DNM3: variants seen among roughly 807,000 people sequenced by gnomAD.
DNM3 encodes the protein dynamin-3.
Under a neutral mutation model 101.6 loss-of-function variants are expected in DNM3, and 47 were observed. The ratio of observed to expected loss-of-function variants is 0.46; its 90% confidence interval spans 0.37 to 0.59. The LOEUF is 0.59. DNM3 is among the 20% of genes least tolerant of loss of function. The pLI, the probability that DNM3 is intolerant of heterozygous loss-of-function variation, is 0.00. For synonymous variants in DNM3, 385 were observed against 387.9 expected, an observed-to-expected ratio of 0.99 and a Z score of 0.09; for missense variants, 849 against 1,085.7, an observed-to-expected ratio of 0.78 and a Z score of 3.06.
chr1:171,906,877 T>A (rs2038878712), intron 1 of DNM3, among the ~76,000 whole-genome samples: 1 of 152,210 alleles, frequency 6.6e-6, no homozygotes, highest in South Asian at 2.1e-4. Flanking sequence ...ATGTGGATCA[T>A]GAGATTTAGA....
At position 171,870,373 on chromosome 1, in the gene DNM3, A is replaced by G. The variant is rs10913898; in HGVS notation, c.161+28556A>G. Among the ~76,000 whole-genome samples the G allele has an allele frequency of 8.4e-3, 1,280 of 152,248 alleles. 24 individuals are homozygous for G. The highest frequency in any genetic ancestry group is 0.029 in the African/African-American group (1,223 of 41,536). On this transcript the variant is annotated intron_variant, in intron 1 of 20. Transcript: ENST00000627582. ...TATATAGTCATTGTGATCTAGCTGAAGACCAGGAGTCTTTTAATCAGTTAA... is the reference window on the plus strand; with the variant it reads ...TATATAGTCATTGTGATCTAGCTGAGGACCAGGAGTCTTTTAATCAGTTAA...
At chr1:172,319,337 T>C (rs2148903105) in intron 16 of DNM3, among the ~76,000 whole-genome samples, 1 of 152,158 alleles carries the variant, frequency 6.6e-6, no homozygotes, top group East Asian at 1.9e-4. Context: ...GGCAAGGACT[T>C]CATGTCTAAA....
intron 4 of DNM3, among the ~76,000 whole-genome samples, chr1:172,029,622 G>A (rs986949389): frequency 6.6e-6 from 1 of 152,188 alleles, no homozygotes; most frequent in African/African-American, 2.4e-5. Flanking sequence ...AATTATCCCT[G>A]TTTGCAGATG....
intron 15 of DNM3, among the ~76,000 whole-genome samples, chr1:172,254,390 G>A (rs1367275293): frequency 2.0e-5 from 3 of 152,120 alleles, no homozygotes; most frequent in Non-Finnish European, 4.4e-5. Flanking sequence ...CATATACTAT[G>A]ACTAAATTCA....
chr1:171,952,808 C>T (rs750090177), intron 2 of DNM3, among the ~76,000 whole-genome samples: 2 of 152,076 alleles, frequency 1.3e-5, no homozygotes, highest in Non-Finnish European at 2.9e-5. Flanking sequence ...CTATAGAAAC[C>T]AAATAACTTT....
chr1:172,068,757 T>C, intron 10 of DNM3, 62 bp from the exon 11 acceptor site: 1 of 1,355,018 alleles, frequency 7.4e-7, no homozygotes, highest in South Asian at 1.3e-5. Flanking sequence ...AATTTATCTC[T>C]GCTTCTTTTT....
At chr1:172,330,383 A>G (rs2066131389) in intron 17 of DNM3, among the ~76,000 whole-genome samples, 1 of 152,112 alleles carries the variant, frequency 6.6e-6, no homozygotes, top group Admixed American at 6.6e-5. Context: ...TGCCATAGGT[A>G]GCATAATTCC....
At chr1:172,346,412 G>C (rs897925848) in intron 17 of DNM3, among the ~76,000 whole-genome samples, 1 of 152,198 alleles carries the variant, frequency 6.6e-6, no homozygotes, top group African/African-American at 2.4e-5. Context: ...GCTGGGCCTT[G>C]TATGCCAAGG....
At chr1:171,917,577 T>C (rs1203841879) in intron 1 of DNM3, among the ~76,000 whole-genome samples, 1 of 152,184 alleles carries the variant, frequency 6.6e-6, no homozygotes, top group Non-Finnish European at 1.5e-5. Flanking sequence ...GAAAGGCATT[T>C]GATTTGTAGC....
At chr1:172,132,274 C>G (rs1191898222) in intron 14 of DNM3, among the ~76,000 whole-genome samples, 1 of 152,124 alleles carries the variant, frequency 6.6e-6, no homozygotes, top group Non-Finnish European at 1.5e-5. Flanking sequence ...TTATATAGCA[C>G]TTTTCATTTC....
At position 172,409,098 on chromosome 1, in the gene DNM3, G is replaced by T; in HGVS notation, c.*1257G>T. The stretch of plus-strand genomic sequence containing the variant: ...GCCTGGGGGTTAATAGTTAAGTCTT[G>T]AGGCTAAGTTTTGGACTACCAAGGA... On this transcript the variant is annotated 3_prime_UTR_variant, in exon 21 of 21. Coordinates refer to ENST00000627582, the MANE Select transcript of DNM3 (RefSeq NM_015569.5). 1 of 985,346 alleles carries T rather than the reference G, an allele frequency of 1.0e-6. No homozygotes were observed. The highest frequency in any genetic ancestry group is 1.2e-6 in the Non-Finnish European group (1 of 829,884). 61.0% of individuals were successfully genotyped at this position (985,346 alleles called of 1,614,324 possible). A position where few individuals can be genotyped will look rare whatever the true frequency, so the allele number is the denominator to read the frequency against.
At chr1:172,023,411 C>T (rs1239456556) in intron 4 of DNM3, among the ~76,000 whole-genome samples, 1 of 152,232 alleles carries the variant, frequency 6.6e-6, no homozygotes, top group South Asian at 2.1e-4. Flanking sequence ...TTCCTACTGT[C>T]ACGTTTATTG....
At chr1:172,233,232 A>G (rs546559437) in intron 14 of DNM3, among the ~76,000 whole-genome samples, 59 of 152,328 alleles carry the variant, frequency 3.9e-4, no homozygotes, top group African/African-American at 1.3e-3. Flanking sequence ...CAGAAATACA[A>G]ACTACCATCA....
At chr1:172,029,658 C>T (rs1478947796) in intron 4 of DNM3, among the ~76,000 whole-genome samples, 1 of 152,140 alleles carries the variant, frequency 6.6e-6, no homozygotes, top group African/African-American at 2.4e-5. Context: ...TAGAAAACCC[C>T]ATCGTCTCAG....
At chr1:172,055,388 T>C (rs4076678) in intron 10 of DNM3, among the ~76,000 whole-genome samples, 51,517 of 151,938 alleles carry the variant, frequency 0.34, 9,489 homozygotes, top group East Asian at 0.69. Flanking sequence ...CCGACTTTTC[T>C]ATTTTCAGTT....
intron 15 of DNM3, among the ~76,000 whole-genome samples, chr1:172,272,175 AG>A (rs1413533729): frequency 9.9e-5 from 15 of 152,114 alleles, no homozygotes; most frequent in African/African-American, 3.6e-4. Context: ...CAAGCACTTC[AG>A]GATACAGCAG....
intron 15 of DNM3, among the ~76,000 whole-genome samples, chr1:172,295,514 A>T (rs2064123089): frequency 6.6e-6 from 1 of 152,160 alleles, no homozygotes; most frequent in Non-Finnish European, 1.5e-5. Context: ...GTCAGAGATT[A>T]TTTTTGTATT....
chr1:172,326,566 C>G (rs766401442), intron 17 of DNM3, among the ~76,000 whole-genome samples: 1 of 151,710 alleles, frequency 6.6e-6, no homozygotes, highest in Non-Finnish European at 1.5e-5. Context: ...CATGTTGTGT[C>G]TTAGACACAA....
intron 17 of DNM3, among the ~76,000 whole-genome samples, chr1:172,368,134 C>T (rs1191194467): frequency 2.6e-5 from 4 of 152,000 alleles, no homozygotes; most frequent in Non-Finnish European, 4.4e-5. Flanking sequence ...CCCTAACAGA[C>T]ATTTACAGAA....
Sources: allele counts gnomAD v4.1 joint callset (sites outside exome capture counted in the v4.1 genomes callset), GRCh38; gene constraint gnomAD v4.1.1; transcripts MANE v1.5; gene names NCBI Gene and HGNC (gene_info 2026-07-23, HGNC 2026-07-21).